The following STK17A variants were observed in gnomAD, a reference collection of about 807,000 sequenced individuals.
The protein encoded by STK17A is serine/threonine-protein kinase 17A.
In STK17A, 26 loss-of-function variants were observed where a neutral mutation model predicts 43.7. The ratio of observed to expected loss-of-function variants is 0.60; its 90% CI spans 0.44 to 0.83. The LOEUF is 0.83. Ranked by LOEUF, STK17A falls within the 40% of genes least tolerant of loss-of-function variation. The pLI is 0.00. For synonymous variants in STK17A, 191 were observed against 182.5 expected (o/e 1.05, Z -0.38); for missense variants, 476 against 511.6 (o/e 0.93, Z 0.67).
chr7:43,594,594 AG>A (rs2082502099), intron 1 of STK17A, among the ~76,000 whole-genome samples: 1 of 152,212 alleles, frequency 6.6e-6, no homozygotes, highest in African/African-American at 2.4e-5. Flanking sequence ...CTAAGGATTC[AG>A]TGGATGTTTA....
Position 43,608,237 on chromosome 7 carries a change from T to C in STK17A, c.420-19T>C. On this transcript the variant is annotated intron_variant, in intron 2 of 6. Transcript: ENST00000319357. Reference sequence around the variant, plus strand: ...ATTTCTTATGAGTTATATATTACTTTAATTTTGCCCTTCTCTAGTGCTGCT... The same window carrying C: ...ATTTCTTATGAGTTATATATTACTTCAATTTTGCCCTTCTCTAGTGCTGCT... 1 of 1,599,010 alleles carries C rather than the reference T, an allele frequency of 6.3e-7. No homozygotes were observed. Among genetic ancestry groups the C allele is most frequent in the South Asian group, 1.1e-5 (1 of 87,994 alleles).
intron 2 of STK17A, 30 bp downstream of exon 2, chr7:43,596,143 G>A (rs377714003): frequency 6.3e-7 from 1 of 1,581,648 alleles, no homozygotes; most frequent in African/African-American, 1.3e-5. Flanking sequence ...GATTAAGTTT[G>A]TTTGGTAGTC....
chr7:43,588,155 A>AT lies in STK17A; in HGVS notation c.206+4714dup, dbSNP rs928214655. ...TCACCTCCAGAACTCCTGTTCTGATATTTTTTTTAAATTATTATCATTGGT... is the reference window on the plus strand; with the variant it reads ...TCACCTCCAGAACTCCTGTTCTGATATTTTTTTTTAAATTATTATCATTGGT... On this transcript the variant is annotated intron_variant, in intron 1 of 6. Coordinates refer to ENST00000319357, the MANE Select transcript of STK17A (RefSeq NM_004760.3). Among the ~76,000 whole-genome samples the AT allele has an allele frequency of 3.3e-5, 5 of 151,314 alleles. 1 individual carries two copies. The highest frequency in any genetic ancestry group is 4.8e-5 in the African/African-American group (2 of 41,342).
At chr7:43,624,007 A>G in intron 6 of STK17A, 119 bp downstream of exon 6, 1 of 680,886 alleles carries the variant, frequency 1.5e-6, no homozygotes, top group Admixed American at 4.0e-5. Context: ...AACTTCTAAA[A>G]CACCATAATG....
chr7:43,588,904 A>C (rs2082461420), intron 1 of STK17A, among the ~76,000 whole-genome samples: 2 of 151,572 alleles, frequency 1.3e-5, no homozygotes, highest in South Asian at 4.1e-4. Context: ...ACATAAAAGC[A>C]CTACCTTAGG....
At chr7:43,609,640 A>C (rs2082679309) in intron 3 of STK17A, 1 of 152,226 alleles carries the variant, frequency 6.6e-6, no homozygotes, top group Non-Finnish European at 1.5e-5. Flanking sequence ...GTCCAGGTGC[A>C]ACTGTGGGGA....
At chr7:43,620,686 AAG>A (rs1554484576) in intron 4 of STK17A, among the ~76,000 whole-genome samples, 2 of 151,922 alleles carry the variant, frequency 1.3e-5, no homozygotes, top group Admixed American at 1.3e-4. Flanking sequence ...AAAAAAAAAA[AAG>A]AATATTAATA....
chr7:43,623,537 CA>C (rs2084147694), intron 4 of STK17A, 34 bp from the exon 5 acceptor site: 1 of 1,589,632 alleles, frequency 6.3e-7, no homozygotes, highest in African/African-American at 1.4e-5. Flanking sequence ...TTTTTTTCCA[CA>C]AAACTAAATG....
chr7:43,584,130 T>A (rs1291716045), intron 1 of STK17A, among the ~76,000 whole-genome samples: 1 of 152,144 alleles, frequency 6.6e-6, no homozygotes. Context: ...ACCCTTTTTT[T>A]GTGGGAGTAG....
At position 43,607,647 on chromosome 7, in the gene STK17A, C is replaced by CAAAAAA. The variant is rs760624386; in HGVS notation, c.420-592_420-587dup. On this transcript the variant is annotated intron_variant, in intron 2 of 6. Coordinates refer to ENST00000319357, the MANE Select transcript of STK17A (RefSeq NM_004760.3). Reference sequence around the variant, plus strand: ...CTGGTGACAGAGCAAGACTCCGTCTCAAAAAAAAAAAAAAAAAAAAAAGCA... The same window carrying CAAAAAA: ...CTGGTGACAGAGCAAGACTCCGTCTCAAAAAAAAAAAAAAAAAAAAAAAAAAAAGCA... Among the ~76,000 whole-genome samples, 489 of 54,270 alleles carry CAAAAAA rather than the reference C, an allele frequency of 9.0e-3. 26 individuals are homozygous for CAAAAAA. The highest frequency in any genetic ancestry group is 0.014 in the Non-Finnish European group (398 of 28,242). The allele number at this position is 54,270 out of a possible 152,430, so 35.6% of individuals were successfully genotyped here. A position where few individuals can be genotyped will look rare whatever the true frequency, so the allele number is the denominator to read the frequency against.
chr7:43,604,891 C>G (rs10224586), intron 2 of STK17A, among the ~76,000 whole-genome samples: 22,301 of 152,106 alleles, frequency 0.15, 2,175 homozygotes, highest in Non-Finnish European at 0.21. Context: ...CCCTCTCTCT[C>G]TCTGTGCTTC....
At chr7:43,618,385 G>A (rs1362891786) in intron 3 of STK17A, among the ~76,000 whole-genome samples, 3 of 152,208 alleles carry the variant, frequency 2.0e-5, no homozygotes, top group African/African-American at 7.2e-5. Flanking sequence ...GGCATGAGAT[G>A]TGGGAGTAGC....
chr7:43,612,757 A>C (rs901161978), intron 3 of STK17A, among the ~76,000 whole-genome samples: 2 of 151,396 alleles, frequency 1.3e-5, no homozygotes, highest in African/African-American at 4.9e-5. Context: ...CAAAAGACTG[A>C]TTCACTGAAG....
chr7:43,608,543 C>T, intron 3 of STK17A, 143 bp downstream of exon 3: 1 of 903,624 alleles, frequency 1.1e-6, no homozygotes, highest in Non-Finnish European at 1.6e-6. Flanking sequence ...TACTCCTATC[C>T]TCTAGCCAGT....
chr7:43,621,984 T>C (rs1274763975), intron 4 of STK17A, among the ~76,000 whole-genome samples: 1 of 152,186 alleles, frequency 6.6e-6, no homozygotes, highest in Non-Finnish European at 1.5e-5. Flanking sequence ...TTAAATCTCT[T>C]TATACCTCAG....
rs754396577 is a variant in STK17A at position 43,614,838 on chromosome 7, A to G, written c.565-4759A>G. On this transcript the variant is annotated intron_variant, in intron 3 of 6. Transcript: ENST00000319357. ...TGATCACACTGATTTAGGATTTACA[A>G]CATTACCACCAAACCAATTAGTTTT... 3.9e-5 allele frequency among the ~76,000 whole-genome samples: 6 copies of G among 152,254 alleles called. No homozygotes were observed. The East Asian group carries it at 1.2e-3, about 29-fold the overall frequency.
chr7:43,606,916 C>CTTTTTTTTTTTTTTTTTTTTTTT (rs71011933), intron 2 of STK17A, among the ~76,000 whole-genome samples: 2 of 62,638 alleles, frequency 3.2e-5, no homozygotes, highest in African/African-American at 1.6e-4. Context: ...TTTCGATTTT[C>CTTTTTTTTTTTTTTTTTTTTTTT]TTTTTTTTTT....
chr7:43,603,786 T>G (rs1015759422), intron 2 of STK17A, among the ~76,000 whole-genome samples: 19 of 152,236 alleles, frequency 1.2e-4, no homozygotes, highest in African/African-American at 3.9e-4. Context: ...CACTTTCTGA[T>G]GGTTCAGTGT....
intron 2 of STK17A, among the ~76,000 whole-genome samples, chr7:43,603,863 T>G (rs2082571869): frequency 6.6e-6 from 1 of 152,224 alleles, no homozygotes; most frequent in Admixed American, 6.5e-5. Context: ...AGGCTATGTA[T>G]GTAAGTTGCA....
Sources: gnomAD v4.1 joint callset for allele counts (sites outside exome capture counted in the v4.1 genomes callset) on GRCh38, gnomAD v4.1.1 for gene constraint, MANE v1.5 for transcripts, NCBI Gene and HGNC (gene_info 2026-07-23, HGNC 2026-07-21) for gene names.